The following WDR89 variants were observed in gnomAD, a reference collection of about 807,000 sequenced individuals.
WDR89 encodes the protein WD repeat-containing protein 89.
Under a neutral mutation model 29.1 loss-of-function variants are expected in WDR89, and 17 were observed. That is an observed-to-expected ratio of 0.58 (90% CI 0.40 to 0.88). WDR89 has a LOEUF of 0.88. Ranked by LOEUF, WDR89 falls within the 40% of genes least tolerant of loss-of-function variation. WDR89 has a pLI of 0.00. For missense variants in WDR89, 396 were observed against 456.3 expected, an observed-to-expected ratio of 0.87 and a Z score of 1.20; for synonymous variants, 138 against 157.8, an observed-to-expected ratio of 0.87 and a Z score of 0.94.
At chr14:63,623,337 T>C (rs1172536508) in intron 2 of WDR89, among the ~76,000 whole-genome samples, 2 of 146,552 alleles carry the variant, frequency 1.4e-5, no homozygotes, top group African/African-American at 5.1e-5. Context: ...AAGAAAAAGA[T>C]GAAAAAAGAA....
chr14:63,617,727 C>T (rs1189970937), intron 2 of WDR89, among the ~76,000 whole-genome samples: 2 of 151,482 alleles, frequency 1.3e-5, no homozygotes, highest in South Asian at 2.1e-4. Flanking sequence ...TCAAGTGATC[C>T]GCCCACTTCG....
At chr14:63,636,173 C>T (rs375532515) in intron 1 of WDR89, among the ~76,000 whole-genome samples, 4 of 152,004 alleles carry the variant, frequency 2.6e-5, no homozygotes, top group African/African-American at 7.3e-5. Flanking sequence ...AAGGCTCTAT[C>T]TCAAAAAAGA....
chr14:63,604,474 T>C (rs754630321), intron 2 of WDR89, among the ~76,000 whole-genome samples: 2 of 147,090 alleles, frequency 1.4e-5, no homozygotes, highest in Admixed American at 6.6e-5. Flanking sequence ...TGTACAAAGG[T>C]GTAGAAAAAA....
intron 2 of WDR89, chr14:63,601,444 G>T: frequency 1.0e-6 from 1 of 970,906 alleles, no homozygotes; most frequent in Non-Finnish European, 1.6e-6. Flanking sequence ...AAACATGCAT[G>T]CCTAGTAACA....
intron 2 of WDR89, among the ~76,000 whole-genome samples, chr14:63,623,304 T>G (rs1233097178): frequency 6.9e-6 from 1 of 144,192 alleles, no homozygotes; most frequent in Non-Finnish European, 1.5e-5. Context: ...AAACCAATCA[T>G]AGAGAAAAAG....
chr14:63,605,761 G>A (rs1466073863), intron 2 of WDR89, among the ~76,000 whole-genome samples: 1 of 152,048 alleles, frequency 6.6e-6, no homozygotes, highest in Admixed American at 6.6e-5. Context: ...TGCCCGGCAA[G>A]ACTATACTTT....
chr14:63,637,048 G>A (rs746531041), intron 1 of WDR89, among the ~76,000 whole-genome samples: 4 of 150,822 alleles, frequency 2.7e-5, no homozygotes, highest in Non-Finnish European at 4.4e-5. Flanking sequence ...CATCTACAAC[G>A]AACTCAAATC....
intron 2 of WDR89, among the ~76,000 whole-genome samples, chr14:63,605,022 C>A (rs920633816): frequency 1.3e-5 from 2 of 151,998 alleles, no homozygotes; most frequent in African/African-American, 4.8e-5. Flanking sequence ...TGGTGGTGCA[C>A]GCCTATAGTC....
intron 2 of WDR89, among the ~76,000 whole-genome samples, chr14:63,612,911 G>C (rs367688649): frequency 2.0e-5 from 3 of 152,236 alleles, no homozygotes; most frequent in Admixed American, 6.5e-5. Context: ...CCTGGGACTT[G>C]TTGGAATGGG....
chr14:63,637,114 C>A (rs2055121490), intron 1 of WDR89, among the ~76,000 whole-genome samples: 2 of 152,068 alleles, frequency 1.3e-5, no homozygotes, highest in South Asian at 4.1e-4. Flanking sequence ...CATGAAGAGA[C>A]AATTCTCAAA....
intron 2 of WDR89, among the ~76,000 whole-genome samples, chr14:63,609,244 T>A (rs1881798709): frequency 6.6e-6 from 1 of 152,228 alleles, no homozygotes; most frequent in African/African-American, 2.4e-5. Flanking sequence ...ATTTCCTTCC[T>A]AATTTTCATT....
At chr14:63,626,989 C>T (rs534389867) in intron 1 of WDR89, among the ~76,000 whole-genome samples, 6 of 151,884 alleles carry the variant, frequency 4.0e-5, no homozygotes, top group Non-Finnish European at 8.8e-5. Context: ...GGTGTAATGG[C>T]GTATACCTGT....
chr14:63,620,797 C>A (rs1271948136), intron 2 of WDR89, among the ~76,000 whole-genome samples: 3 of 151,428 alleles, frequency 2.0e-5, no homozygotes, highest in Admixed American at 2.0e-4. Flanking sequence ...ACTCAGGAGG[C>A]TAAGGCATGA....
intron 1 of WDR89, among the ~76,000 whole-genome samples, chr14:63,626,742 A>G (rs1883089473): frequency 1.3e-5 from 2 of 150,070 alleles, no homozygotes; most frequent in Admixed American, 1.3e-4. Flanking sequence ...AGGAAATAAG[A>G]TGCATTTTCA....
chr14:63,624,979 C>T lies in WDR89; in HGVS notation c.-83G>A, dbSNP rs1030639548. ...CTCAAGAGAAATGACAACTTATGTCCGTACAAACACCTGTACACGTGTTCA... is the reference window on the plus strand; with the variant it reads ...CTCAAGAGAAATGACAACTTATGTCTGTACAAACACCTGTACACGTGTTCA... On this transcript the variant is annotated 5_prime_UTR_variant, in exon 2 of 3. Transcript: ENST00000620954. 3.9e-5 allele frequency: 6 copies of T among 151,956 alleles called. No homozygotes were observed. The highest frequency in any genetic ancestry group is 2.1e-4 in the South Asian group (1 of 4,780). The allele number at this position is 151,956 out of a possible 1,614,324, so 9.4% of individuals were successfully genotyped here.
rs748490107 is a variant in WDR89 at position 63,599,104 on chromosome 14, C to T, written c.839G>A (p.Gly280Asp). The change falls in exon 3 of 3, where the codon GGC becomes GAC. Residue 280 changes from glycine to aspartate, a missense_variant. By Grantham distance (94) the Gly-to-Asp change is moderately conservative. Coordinates refer to ENST00000620954, the MANE Select transcript of WDR89 (RefSeq NM_080666.4). Reference protein sequence around the residue: ...KEDALDYLIGGLYHEKTDTLH... With the variant: ...KEDALDYLIGDLYHEKTDTLH... Reference sequence around the variant, plus strand: ...TGTGTCTGTCTTTTCATGATATAGGCCACCAATCAAATAGTCCAAAGCATC... The same window carrying T: ...TGTGTCTGTCTTTTCATGATATAGGTCACCAATCAAATAGTCCAAAGCATC... 1.9e-6 allele frequency: 3 copies of T among 1,614,070 alleles called. No homozygotes were observed. The highest frequency in any genetic ancestry group is 2.5e-6 in the Non-Finnish European group (3 of 1,180,030).
intron 2 of WDR89, among the ~76,000 whole-genome samples, chr14:63,603,275 C>T (rs2053291272): frequency 6.6e-6 from 1 of 152,110 alleles, no homozygotes; most frequent in Admixed American, 6.6e-5. Flanking sequence ...CACACACACA[C>T]ACACACACAC....
rs577404396 is a variant in WDR89, at chr14:63,639,596, T to C, written c.-138+2208A>G. Among the ~76,000 whole-genome samples the C allele has an allele frequency of 3.3e-5, 5 of 152,306 alleles. No homozygotes were observed. The South Asian group carries it at 1.0e-3, about 32-fold the overall frequency. On this transcript the variant is annotated intron_variant, in intron 1 of 2. Coordinates refer to ENST00000620954, the MANE Select transcript of WDR89 (RefSeq NM_080666.4). ...TCTGTACATAATCTGCCCTAAAATA[T>C]TGAACAGAATTAACATAAAGACCAT...
At chr14:63,624,216 C>T (rs1386773072) in intron 2 of WDR89, among the ~76,000 whole-genome samples, 4 of 151,960 alleles carry the variant, frequency 2.6e-5, no homozygotes, top group African/African-American at 9.7e-5. Flanking sequence ...GCCTATAATC[C>T]CAGCACTTTG....
Sources: gnomAD v4.1 joint callset for allele counts (sites outside exome capture counted in the v4.1 genomes callset) on GRCh38, gnomAD v4.1.1 for gene constraint, MANE v1.5 for transcripts, NCBI Gene and HGNC (gene_info 2026-07-23, HGNC 2026-07-21) for gene names.